The following ARHGAP10 variants were observed in gnomAD, a reference collection of about 807,000 sequenced individuals.
ARHGAP10 encodes the protein Rho GTPase activating protein 10, also known as rho GTPase-activating protein 10.
In ARHGAP10, 87 loss-of-function variants were observed where a neutral mutation model predicts 108.6. The ratio of observed to expected loss-of-function variants is 0.80; its 90% CI spans 0.67 to 0.96. The LOEUF is 0.96. Among genes scored for constraint, ARHGAP10 ranks in the 40% least tolerant of loss-of-function variants. The pLI is 0.00. For synonymous variants in ARHGAP10, 347 were observed against 341.1 expected, an observed-to-expected ratio of 1.02 and a Z score of -0.19; for missense variants, 939 against 954.5, an observed-to-expected ratio of 0.98 and a Z score of 0.21.
intron 1 of ARHGAP10, among the ~76,000 whole-genome samples, chr4:147,771,302 C>T (rs911087050): frequency 3.5e-4 from 53 of 152,092 alleles, no homozygotes; most frequent in African/African-American, 1.3e-3. Context: ...ATGACATGTG[C>T]TCAAGTGGGT....
rs529613833 is a variant in ARHGAP10 at position 147,760,259 on chromosome 4, G to A, written c.154+27804G>A. Among the ~76,000 whole-genome samples the A allele has an allele frequency of 1.2e-4, 19 of 152,308 alleles. No homozygotes were observed. The South Asian group carries it at 3.7e-3, about 30-fold the overall frequency. ...CAAAAAGCTTAGGTTTACACACTCA[G>A]CTCATTAGATTTTCACAATAACTGA... On this transcript the variant is annotated intron_variant, in intron 1 of 22. Coordinates refer to ENST00000336498, the MANE Select transcript of ARHGAP10 (RefSeq NM_024605.4).
intron 4 of ARHGAP10, among the ~76,000 whole-genome samples, chr4:147,850,008 G>A (rs1370051319): frequency 6.6e-5 from 10 of 152,286 alleles, no homozygotes; most frequent in Non-Finnish European, 8.8e-5. Context: ...GATTGTAAAC[G>A]CACCAATCAG....
At chr4:147,827,678 C>T (rs1170668986) in intron 3 of ARHGAP10, among the ~76,000 whole-genome samples, 6 of 152,046 alleles carry the variant, frequency 3.9e-5, no homozygotes, top group African/African-American at 1.4e-4. Context: ...TTTTTTTTAA[C>T]TTAAAAGTTT....
intron 1 of ARHGAP10, among the ~76,000 whole-genome samples, chr4:147,737,333 T>TTG (rs939471567): frequency 4.6e-5 from 7 of 151,058 alleles, no homozygotes; most frequent in Non-Finnish European, 7.4e-5. Context: ...GTACTTTTTT[T>TTG]TTTTTTTTTT....
intron 18 of ARHGAP10, among the ~76,000 whole-genome samples, chr4:147,998,775 ATACTT>A (rs1253013784): frequency 6.6e-6 from 1 of 152,258 alleles, no homozygotes; most frequent in Non-Finnish European, 1.5e-5. Flanking sequence ...TCGTGATACC[ATACTT>A]CAATGAAACA....
chr4:147,976,232 C>G (rs932728518), intron 18 of ARHGAP10, among the ~76,000 whole-genome samples: 2 of 152,186 alleles, frequency 1.3e-5, no homozygotes, highest in African/African-American at 4.8e-5. Context: ...AAAAAGAAAT[C>G]TCTTTAAAAA....
chr4:147,887,807 A>G (rs1393532092), intron 10 of ARHGAP10, among the ~76,000 whole-genome samples: 3 of 151,848 alleles, frequency 2.0e-5, no homozygotes. Flanking sequence ...GGTTGCAGTG[A>G]GCTGAGATGG....
chr4:147,936,133 C>G (rs886698315), intron 13 of ARHGAP10, among the ~76,000 whole-genome samples: 1 of 152,120 alleles, frequency 6.6e-6, no homozygotes, highest in African/African-American at 2.4e-5. Context: ...TAGAGTAGTA[C>G]TGAAACCCTC....
At chr4:147,909,870 T>G (rs1579188834) in intron 12 of ARHGAP10, 93 bp downstream of exon 12, 1 of 1,243,920 alleles carries the variant, frequency 8.0e-7, no homozygotes. Flanking sequence ...GGGAGCTTAC[T>G]CTCTGCACCC....
chr4:147,882,730 A>C (rs1317220486), intron 10 of ARHGAP10, among the ~76,000 whole-genome samples: 1 of 152,090 alleles, frequency 6.6e-6, no homozygotes, highest in Non-Finnish European at 1.5e-5. Flanking sequence ...CCAGTTATTT[A>C]GTTGTAAAAG....
chr4:147,975,201 CT>C (rs201124599), intron 18 of ARHGAP10, among the ~76,000 whole-genome samples: 1 of 151,896 alleles, frequency 6.6e-6, no homozygotes, highest in Non-Finnish European at 1.5e-5. Flanking sequence ...TAGAATGTGT[CT>C]TTTTTTTGGT....
chr4:147,925,399 G>T (rs542936497), intron 13 of ARHGAP10, among the ~76,000 whole-genome samples: 3 of 151,412 alleles, frequency 2.0e-5, no homozygotes, highest in African/African-American at 7.3e-5. Context: ...AAAAAGCAAC[G>T]GCCCACTTTT....
intron 13 of ARHGAP10, among the ~76,000 whole-genome samples, chr4:147,937,719 C>T (rs1738010931): frequency 6.6e-6 from 1 of 152,192 alleles, no homozygotes; most frequent in Admixed American, 6.5e-5. Context: ...TTGGCTCATG[C>T]CTGTAATCCC....
chr4:147,837,746 G>A (rs1052159344), intron 3 of ARHGAP10, among the ~76,000 whole-genome samples: 2 of 147,988 alleles, frequency 1.4e-5, no homozygotes, highest in African/African-American at 5.0e-5. Context: ...CTTACTGCAA[G>A]CCAGTGTCTG....
chr4:147,905,002 A>T (rs1246926646), intron 10 of ARHGAP10, among the ~76,000 whole-genome samples: 1 of 151,942 alleles, frequency 6.6e-6, no homozygotes, highest in African/African-American at 2.4e-5. Flanking sequence ...GCATTTTTTC[A>T]TGTGTTTTTT....
At chr4:147,930,797 A>C (rs193040000) in intron 13 of ARHGAP10, among the ~76,000 whole-genome samples, 5 of 152,252 alleles carry the variant, frequency 3.3e-5, no homozygotes, top group Admixed American at 3.3e-4. Flanking sequence ...TTTATTTGCC[A>C]GCTGTAGCTA....
chr4:147,771,847 A>G (rs1382413947), intron 1 of ARHGAP10, among the ~76,000 whole-genome samples: 1 of 152,054 alleles, frequency 6.6e-6, no homozygotes, highest in Non-Finnish European at 1.5e-5. Context: ...GCTGTAGTGC[A>G]GTGGTGCTAT....
Position 147,955,369 on chromosome 4 carries a change from C to G in ARHGAP10, c.1445C>G (p.Pro482Arg). ...TYELHGDFIV[P>R]AKSGSPESRV... ...GAGTTACATGGAGATTTCATTGTTC[C>G]AGCCAGTAAGTATTATGTAAAGGTA... The change falls in exon 16 of 23, where the codon CCA becomes CGA. Residue 482 changes from proline to arginine, a missense_variant. Pro to Arg is a moderately radical substitution (Grantham distance 103, BLOSUM62 -2). Transcript: ENST00000336498. 1 of 1,610,636 alleles carries G rather than the reference C, an allele frequency of 6.2e-7. No individual in the cohort carries two copies. Among genetic ancestry groups the G allele is most frequent in the Non-Finnish European group, 8.5e-7 (1 of 1,177,514 alleles).
At position 147,840,318 on chromosome 4, in the gene ARHGAP10, T is replaced by G. The variant is rs933250542; in HGVS notation, c.313-6833T>G. Among the ~76,000 whole-genome samples, 11 of 152,188 alleles carry G rather than the reference T, an allele frequency of 7.2e-5. 1 individual carries two copies. The highest frequency in any genetic ancestry group is 7.2e-4 in the Admixed American group (11 of 15,280). On this transcript the variant is annotated intron_variant, in intron 3 of 22. Coordinates refer to ENST00000336498, the MANE Select transcript of ARHGAP10 (RefSeq NM_024605.4). ...AAGCAAATCAGAATGATTTTTTTTCTTCTCTCATGCAGTACCCATTTAAAT... is the reference window on the plus strand; with the variant it reads ...AAGCAAATCAGAATGATTTTTTTTCGTCTCTCATGCAGTACCCATTTAAAT...
Sources: allele counts gnomAD v4.1 joint callset (sites outside exome capture counted in the v4.1 genomes callset), GRCh38; gene constraint gnomAD v4.1.1; transcripts MANE v1.5; gene names NCBI Gene and HGNC (gene_info 2026-07-23, HGNC 2026-07-21).